The following CLCN6 variants were observed in gnomAD, a reference collection of about 807,000 sequenced individuals.
CLCN6 encodes Cl-/H+ antiporter 6, also known as H(+)/Cl(-) exchange transporter 6.
In CLCN6, 70 loss-of-function variants were observed where a neutral mutation model predicts 109.8. That is an observed-to-expected ratio of 0.64 (90% confidence interval 0.53 to 0.78). CLCN6 has a LOEUF of 0.78. CLCN6 is among the 30% of genes least tolerant of loss of function. The probability of loss-of-function intolerance (pLI) is 0.00; values close to 1 mark genes in which losing one functional copy is unlikely to be tolerated. For missense variants in CLCN6, 984 were observed against 1,142.3 expected (o/e 0.86, Z 2.00); for synonymous variants, 444 against 447.8 (o/e 0.99, Z 0.11).
At chr1:11,810,172 G>A (rs771841754) in intron 2 of CLCN6, among the ~76,000 whole-genome samples, 14 of 152,134 alleles carry the variant, frequency 9.2e-5, no homozygotes, top group Admixed American at 2.0e-4. Flanking sequence ...TCTAAAAAGT[G>A]CCCCTTCTTC....
chr1:11,813,946 A>C (rs574165714), intron 2 of CLCN6, among the ~76,000 whole-genome samples: 2 of 152,132 alleles, frequency 1.3e-5, no homozygotes, highest in Non-Finnish European at 2.9e-5. Flanking sequence ...ATATCTTTCT[A>C]TATAGACTTA....
At chr1:11,814,468 G>A (rs915597937) in intron 2 of CLCN6, among the ~76,000 whole-genome samples, 12 of 151,760 alleles carry the variant, frequency 7.9e-5, no homozygotes, top group Non-Finnish European at 1.5e-4. Context: ...GGCTGGTCTC[G>A]AACTTCTGGC....
At chr1:11,810,771 T>TAA (rs869237803) in intron 2 of CLCN6, among the ~76,000 whole-genome samples, 1 of 148,770 alleles carries the variant, frequency 6.7e-6, no homozygotes, top group African/African-American at 2.5e-5. Context: ...CTAATTTATT[T>TAA]AAAAAAAAAA....
In CLCN6 at chr1:11,826,970, C is replaced by T. The variant is rs1290168580; in HGVS notation, c.708-119C>T. 3 of 1,320,778 alleles carry T rather than the reference C, an allele frequency of 2.3e-6. No homozygotes were observed. The African/African-American group carries it at 4.4e-5, about 19-fold the overall frequency. The allele number at this position is 1,320,778 out of a possible 1,614,324, so 81.8% of individuals were successfully genotyped here. A position where few individuals can be genotyped will look rare whatever the true frequency, so the allele number is the denominator to read the frequency against. On this transcript the variant is annotated intron_variant, in intron 9 of 22. Transcript: ENST00000346436. ...CTGCCTCACCAGTGACCTGCCCTTC[C>T]AGGATCCCTGCCTATTCATTCACAG...
chr1:11,819,501 T>G lies in CLCN6; in HGVS notation c.293T>G (p.Val98Gly). The G allele has an allele frequency of 6.2e-7, 1 of 1,614,198 alleles. No individual in the cohort carries two copies. The highest frequency in any genetic ancestry group is 8.5e-7 in the Non-Finnish European group (1 of 1,180,020). ...GVCTGLVGLF[V>G]DFFVRLFTQL... ...TGCTCTTCACAGGTGGGTCTCTTTG[T>G]GGACTTTTTTGTGCGACTCTTCACC... Residue 98 changes from valine to glycine, a missense_variant, in exon 5 of 23, where the codon GTG becomes GGG. Val to Gly is a moderately radical substitution (Grantham distance 109). Coordinates refer to ENST00000346436, the MANE Select transcript of CLCN6 (RefSeq NM_001286.5).
At position 11,839,739 on chromosome 1, in the gene CLCN6, A is replaced by G. The variant is rs529729567; in HGVS notation, c.2530-404A>G. 2.6e-5 allele frequency among the ~76,000 whole-genome samples: 4 copies of G among 152,364 alleles called. No homozygotes were observed. The East Asian group carries it at 7.7e-4, about 29-fold the overall frequency. On this transcript the variant is annotated intron_variant, in intron 22 of 22. Coordinates refer to ENST00000346436, the MANE Select transcript of CLCN6 (RefSeq NM_001286.5). ...CCAACAACAGTGACACGTGGGAACC[A>G]CTGTAACGACCTGTAACAAATGACT...
chr1:11,822,627 A>G (rs1570526168), intron 5 of CLCN6, 68 bp from the exon 6 acceptor site: 3 of 898,006 alleles, frequency 3.3e-6, no homozygotes, highest in Admixed American at 1.8e-5. Flanking sequence ...AAGCAGCTGC[A>G]CCCTCTCAAG....
chr1:11,829,456 T>G (rs1644853683), intron 13 of CLCN6, 134 bp downstream of exon 13: 2 of 1,053,920 alleles, frequency 1.9e-6, no homozygotes, highest in African/African-American at 1.6e-5. Context: ...CGTTGAGAGA[T>G]ATGGGAATCT....
rs1242193424 is a variant in CLCN6 at position 11,834,865 on chromosome 1, G to A, written c.1793+275G>A. 1.3e-5 allele frequency among the ~76,000 whole-genome samples: 2 copies of A among 152,136 alleles called. No homozygotes were observed. Among genetic ancestry groups the A allele is most frequent in the Non-Finnish European group, 1.5e-5 (1 of 68,024 alleles). On this transcript the variant is annotated intron_variant, in intron 17 of 22. Coordinates refer to ENST00000346436, the MANE Select transcript of CLCN6 (RefSeq NM_001286.5). The surrounding 1 kb of genome is among the most constrained non-coding windows in gnomAD (Gnocchi z 4.5). ...GCATTCTGGTTAGATATGAGGTGAG[G>A]TCTCTGGATCAAGTTCGTGATGTGA... is the stretch of plus-strand genomic sequence containing the variant.
rs1231486302 is a variant in CLCN6 at position 11,823,701 on chromosome 1, C to A, written c.454-6C>A. On this transcript the variant is annotated splice_region_variant and splice_polypyrimidine_tract_variant and intron_variant, in intron 6 of 22. Transcript: ENST00000346436. ...AGTTATGGGTGTGCCTGCTCTCCTCCATCAGCCGGTGGCAGCAGGTTCCGG... is the reference window on the plus strand; with the variant it reads ...AGTTATGGGTGTGCCTGCTCTCCTCAATCAGCCGGTGGCAGCAGGTTCCGG... The A allele has an allele frequency of 6.2e-7, 1 of 1,614,046 alleles. No homozygotes were observed. Among genetic ancestry groups the A allele is most frequent in the Non-Finnish European group, 8.5e-7 (1 of 1,179,996 alleles).
chr1:11,828,735 A>G (rs1260060451), intron 12 of CLCN6, 111 bp downstream of exon 12: 3 of 1,155,170 alleles, frequency 2.6e-6, no homozygotes, highest in African/African-American at 1.6e-5. Flanking sequence ...TTGATTTCTC[A>G]TCTAAGACTG....
intron 7 of CLCN6, 113 bp downstream of exon 7, chr1:11,823,946 A>G: frequency 1.5e-6 from 2 of 1,365,702 alleles, no homozygotes; most frequent in South Asian, 2.8e-5. Context: ...CAAACAGCTG[A>G]TGTCTGCACT....
intron 13 of CLCN6, among the ~76,000 whole-genome samples, chr1:11,831,867 A>G (rs1281606479): frequency 1.7e-4 from 26 of 152,026 alleles, no homozygotes. Context: ...TAGAGACAGG[A>G]TCTCACTATG....
At chr1:11,839,264 CTGTTGTTGT>C (rs747523524) in intron 22 of CLCN6, among the ~76,000 whole-genome samples, 1 of 152,086 alleles carries the variant, frequency 6.6e-6, no homozygotes, top group Non-Finnish European at 1.5e-5. Flanking sequence ...GTTGTTGTTG[CTGTTGTTGT>C]TGTTTTGAGA....
chr1:11,833,020 C>CTTT (rs34913289), intron 13 of CLCN6, among the ~76,000 whole-genome samples: 7 of 145,096 alleles, frequency 4.8e-5, no homozygotes, highest in East Asian at 2.0e-4. Context: ...AATTCAGGTG[C>CTTT]TTTTTTTTTT....
intron 5 of CLCN6, chr1:11,820,441 T>C (rs1349760209): frequency 9.8e-6 from 7 of 711,554 alleles, no homozygotes; most frequent in Non-Finnish European, 1.8e-5. Flanking sequence ...GAATAATTTC[T>C]TAAAACTCCA....
At chr1:11,833,409 T>C (rs988188542) in intron 13 of CLCN6, 106 bp from the exon 14 acceptor site, 3 of 1,104,516 alleles carry the variant, frequency 2.7e-6, no homozygotes, top group African/African-American at 3.1e-5. Flanking sequence ...GTTTGATTGA[T>C]GGGGAAAGCT....
At chr1:11,817,795 G>T (rs1393653931) in intron 4 of CLCN6, among the ~76,000 whole-genome samples, 1 of 152,112 alleles carries the variant, frequency 6.6e-6, no homozygotes, top group Non-Finnish European at 1.5e-5. Context: ...AGCCACAGGG[G>T]CCAACCACAA....
At chr1:11,828,698 C>T (rs1644844032) in intron 12 of CLCN6, 74 bp downstream of exon 12, 16 of 1,447,694 alleles carry the variant, frequency 1.1e-5, no homozygotes, top group African/African-American at 4.3e-5. Context: ...CCATCTCTCC[C>T]GAGGAGCGGA....
Sources: gnomAD v4.1 joint callset for allele counts (sites outside exome capture counted in the v4.1 genomes callset) on GRCh38, gnomAD v4.1.1 for gene constraint, Gnocchi (gnomAD v3.1) non-coding constraint, MANE v1.5 for transcripts, NCBI Gene and HGNC (gene_info 2026-07-23, HGNC 2026-07-21) for gene names.